Variants in TMEM156 observed in about 807,000 individuals in gnomAD.
TMEM156 encodes transmembrane protein 156.
In TMEM156, 28 loss-of-function variants were observed where a neutral mutation model predicts 30.5. The observed-to-expected ratio is 0.92, with a 90% CI of 0.68 to 1.26. The LOEUF (loss-of-function observed/expected upper bound fraction) is 1.26, where lower values mean the gene tolerates loss of function less well. TMEM156 is among the 50% of genes most tolerant of loss of function. TMEM156 has a pLI of 0.00. For synonymous variants in TMEM156, 137 were observed against 119.9 expected, an observed-to-expected ratio of 1.14 and a Z score of -0.93; for missense variants, 351 against 340.6, an observed-to-expected ratio of 1.03 and a Z score of -0.24.
chr4:39,030,190 A>AAC (rs1354259880), intron 1 of TMEM156, among the ~76,000 whole-genome samples: 3 of 151,372 alleles, frequency 2.0e-5, no homozygotes, highest in African/African-American at 7.3e-5. Context: ...AAAAAAAAAA[A>AAC]AACAACCCAT....
At chr4:39,020,338 T>C (rs1467585253) in intron 1 of TMEM156, among the ~76,000 whole-genome samples, 1 of 152,144 alleles carries the variant, frequency 6.6e-6, no homozygotes, top group African/African-American at 2.4e-5. Flanking sequence ...TCAGAGATCC[T>C]TTGACACACT....
chr4:39,018,524 G>A (rs1714650991), intron 1 of TMEM156, among the ~76,000 whole-genome samples: 2 of 151,968 alleles, frequency 1.3e-5, no homozygotes, highest in South Asian at 2.1e-4. Context: ...CTTTCACTGA[G>A]GGTCTGATGA....
At chr4:39,027,067 T>A (rs1715243639) in intron 1 of TMEM156, among the ~76,000 whole-genome samples, 1 of 152,202 alleles carries the variant, frequency 6.6e-6, no homozygotes, top group Non-Finnish European at 1.5e-5. Context: ...CATGAATGAG[T>A]AGAAATATTT....
At chr4:39,004,601 C>G (rs1216728964) in intron 1 of TMEM156, among the ~76,000 whole-genome samples, 3 of 151,962 alleles carry the variant, frequency 2.0e-5, no homozygotes, top group Admixed American at 6.6e-5. Context: ...TTTGCTTTTA[C>G]TTTGCTTAAC....
intron 5 of TMEM156, among the ~76,000 whole-genome samples, chr4:38,973,602 G>T (rs1411309526): frequency 6.6e-6 from 1 of 151,986 alleles, no homozygotes; most frequent in Non-Finnish European, 1.5e-5. Context: ...AATTGTCTTA[G>T]GTTTTCCAGG....
intron 1 of TMEM156, among the ~76,000 whole-genome samples, chr4:39,019,588 T>C (rs527785085): frequency 6.6e-6 from 1 of 152,292 alleles, no homozygotes; most frequent in South Asian, 2.1e-4. Flanking sequence ...TTGTTGCTAT[T>C]TTTGCTATTT....
chr4:38,972,945 G>C (rs189806733), intron 5 of TMEM156, among the ~76,000 whole-genome samples: 14 of 152,212 alleles, frequency 9.2e-5, no homozygotes, highest in Non-Finnish European at 1.8e-4. Context: ...AATTTGATGA[G>C]TCTCTTCTCT....
intron 1 of TMEM156, among the ~76,000 whole-genome samples, chr4:39,001,664 G>T (rs1287125786): frequency 1.2e-4 from 17 of 147,304 alleles, no homozygotes; most frequent in Admixed American, 1.4e-4. Flanking sequence ...AAAACAGCAT[G>T]GTACTGGTAC....
At chr4:38,977,172 T>A (rs1207935330) in intron 5 of TMEM156, among the ~76,000 whole-genome samples, 1 of 152,170 alleles carries the variant, frequency 6.6e-6, no homozygotes, top group African/African-American at 2.4e-5. Context: ...TCCAAAATGC[T>A]AGGATTACAG....
At chr4:38,992,133 A>G (rs1712510006) in intron 3 of TMEM156, among the ~76,000 whole-genome samples, 1 of 152,242 alleles carries the variant, frequency 6.6e-6, no homozygotes, top group African/African-American at 2.4e-5. Flanking sequence ...CTTTACAATA[A>G]TTAAAGCTTT....
intron 5 of TMEM156, among the ~76,000 whole-genome samples, chr4:38,980,467 A>G (rs1723122821): frequency 6.6e-6 from 1 of 152,366 alleles, no homozygotes; most frequent in South Asian, 2.1e-4. Context: ...TTGGGTACCT[A>G]TGACATGCCC....
intron 2 of TMEM156, among the ~76,000 whole-genome samples, chr4:38,995,459 G>A (rs575164181): frequency 2.0e-5 from 3 of 152,322 alleles, no homozygotes; most frequent in South Asian, 4.1e-4. Flanking sequence ...GCTCACGCCT[G>A]TAATCCCAGC....
chr4:38,993,070 A>G (rs1422244837), intron 3 of TMEM156, among the ~76,000 whole-genome samples: 1 of 151,738 alleles, frequency 6.6e-6, no homozygotes, highest in Non-Finnish European at 1.5e-5. Flanking sequence ...CAATATTCAT[A>G]TTTTAAAAGA....
intron 1 of TMEM156, among the ~76,000 whole-genome samples, chr4:38,999,119 T>TATTTA (rs58604414): frequency 1.9e-3 from 239 of 124,650 alleles, no homozygotes; most frequent in African/African-American, 5.1e-3. Flanking sequence ...TATTTTTTTT[T>TATTTA]TTTTTTTTTT....
At chr4:38,983,314 G>A (rs1711720851) in intron 5 of TMEM156, among the ~76,000 whole-genome samples, 1 of 152,140 alleles carries the variant, frequency 6.6e-6, no homozygotes, top group African/African-American at 2.4e-5. Flanking sequence ...CAACGATTCA[G>A]ATTCTAATCC....
chr4:39,020,617 T>C (rs1294719679), intron 1 of TMEM156, among the ~76,000 whole-genome samples: 1 of 152,128 alleles, frequency 6.6e-6, no homozygotes, highest in Non-Finnish European at 1.5e-5. Flanking sequence ...AGTGGCATGA[T>C]CTCGGCTCAC....
At position 38,970,146 on chromosome 4, in the gene TMEM156, TTGTGTG is replaced by T. The variant is rs71641397; in HGVS notation, c.*38+880_*38+885del. ...CTCCTCACACACTGTGTGTGTGTGT[TTGTGTG>T]TGTGTGTGTGTGTGTATACATGCAT... On this transcript the variant is annotated intron_variant, in intron 6 of 6. Transcript: ENST00000381938. Among the ~76,000 whole-genome samples, 45 of 149,172 alleles carry T rather than the reference TTGTGTG, an allele frequency of 3.0e-4. 1 individual carries two copies. The highest frequency in any genetic ancestry group is 1.1e-3 in the African/African-American group (44 of 40,664).
intron 1 of TMEM156, among the ~76,000 whole-genome samples, chr4:39,018,267 C>A (rs6811322): frequency 0.01 from 1,534 of 152,292 alleles, 30 homozygotes; most frequent in African/African-American, 0.035. Context: ...TACTTTAACT[C>A]GGATCATCTC....
At chr4:38,969,838 C>T (rs181507498) in intron 6 of TMEM156, among the ~76,000 whole-genome samples, 1 of 152,280 alleles carries the variant, frequency 6.6e-6, no homozygotes, top group East Asian at 1.9e-4. Flanking sequence ...AGCAACCTGC[C>T]CACCTCAGCC....
Sources: allele counts gnomAD v4.1 joint callset (sites outside exome capture counted in the v4.1 genomes callset), GRCh38; gene constraint gnomAD v4.1.1; transcripts MANE v1.5; gene names NCBI Gene and HGNC (gene_info 2026-07-23, HGNC 2026-07-21).